Variants in PTPRD observed in about 807,000 individuals in gnomAD.
PTPRD encodes receptor-type tyrosine-protein phosphatase delta.
PTPRD carries 34 observed loss-of-function variants against 214.5 expected under a neutral mutation model. The observed-to-expected ratio is 0.16, with a 90% CI of 0.12 to 0.21. PTPRD has a LOEUF of 0.21. Among genes scored for constraint, PTPRD ranks in the 10% least tolerant of loss-of-function variants. The pLI is 1.00. For synonymous variants in PTPRD, 1,128 were observed against 845.7 expected, an observed-to-expected ratio of 1.33 and a Z score of -5.79; for missense variants, 2,545 against 2,398.7, an observed-to-expected ratio of 1.06 and a Z score of -1.27.
chr9:9,402,020 T>C (rs147596568), intron 8 of PTPRD, among the ~76,000 whole-genome samples: 3 of 152,226 alleles, frequency 2.0e-5, no homozygotes, highest in Admixed American at 2.0e-4. Flanking sequence ...AATGGACTAA[T>C]GCAGTCATAA....
intron 13 of PTPRD, among the ~76,000 whole-genome samples, chr9:8,635,769 G>C (rs576070893): frequency 2.0e-5 from 3 of 152,136 alleles, no homozygotes; most frequent in East Asian, 3.9e-4. Context: ...TGGGGGTATT[G>C]GTAGCCCCTA....
chr9:8,619,503 G>C (rs1028482052), intron 14 of PTPRD, among the ~76,000 whole-genome samples: 2 of 151,794 alleles, frequency 1.3e-5, no homozygotes, highest in African/African-American at 4.8e-5. Context: ...AAGATATAAA[G>C]AGGTATAACA....
intron 7 of PTPRD, among the ~76,000 whole-genome samples, chr9:9,660,329 A>C (rs1345370873): frequency 6.6e-6 from 1 of 151,928 alleles, no homozygotes; most frequent in African/African-American, 2.4e-5. Context: ...GACTATAGGG[A>C]GGTAAGGGGG....
At chr9:8,348,913 T>G (rs2133054604) in intron 39 of PTPRD, among the ~76,000 whole-genome samples, 1 of 152,300 alleles carries the variant, frequency 6.6e-6, no homozygotes, top group Admixed American at 6.5e-5. Flanking sequence ...TACTTTAGTT[T>G]TGTTTTCTGG....
intron 11 of PTPRD, among the ~76,000 whole-genome samples, chr9:8,939,244 T>C (rs2099016350): frequency 6.6e-6 from 1 of 152,202 alleles, no homozygotes; most frequent in Non-Finnish European, 1.5e-5. Context: ...CTACCACTGA[T>C]GTTTATTTGA....
chr9:8,546,132 A>G (rs2080076323), intron 14 of PTPRD, among the ~76,000 whole-genome samples: 1 of 152,220 alleles, frequency 6.6e-6, no homozygotes, highest in Non-Finnish European at 1.5e-5. Flanking sequence ...TTAAAATGAC[A>G]GTCAAAACAA....
chr9:9,903,283 TGAA>T (rs2076820480), intron 5 of PTPRD, among the ~76,000 whole-genome samples: 2 of 152,138 alleles, frequency 1.3e-5, no homozygotes, highest in Non-Finnish European at 2.9e-5. Flanking sequence ...TTGTATGTGA[TGAA>T]GAACTCGAGT....
At chr9:9,523,155 A>G (rs2097030518) in intron 8 of PTPRD, among the ~76,000 whole-genome samples, 1 of 152,216 alleles carries the variant, frequency 6.6e-6, no homozygotes, top group Non-Finnish European at 1.5e-5. Context: ...TAATTTTTAA[A>G]AAAATGCTTT....
chr9:10,335,297 C>T (rs193197051), intron 3 of PTPRD, among the ~76,000 whole-genome samples: 1 of 151,832 alleles, frequency 6.6e-6, no homozygotes, highest in Admixed American at 6.6e-5. Context: ...ACATAGTCAA[C>T]TGATCTTTCA....
chr9:8,356,540 C>T (rs7022162), intron 39 of PTPRD, among the ~76,000 whole-genome samples: 90,420 of 152,124 alleles, frequency 0.59, 29,841 homozygotes, highest in Non-Finnish European at 0.76. Flanking sequence ...TTTCAAAATA[C>T]ATTGCAGGTA....
chr9:10,387,016 G>C (rs1026268050), intron 2 of PTPRD, among the ~76,000 whole-genome samples: 2 of 151,698 alleles, frequency 1.3e-5, no homozygotes, highest in Non-Finnish European at 2.9e-5. Flanking sequence ...AATGTGGAAG[G>C]GGGCCATGAG....
intron 8 of PTPRD, among the ~76,000 whole-genome samples, chr9:9,556,811 G>C (rs910487447): frequency 3.9e-5 from 6 of 152,154 alleles, no homozygotes; most frequent in African/African-American, 1.2e-4. Context: ...TGATGATGGA[G>C]TGAAGCCTCA....
Position 10,256,260 on chromosome 9 carries a change from T to C in PTPRD, c.-545+84703A>G, listed in dbSNP as rs145853645. Among the ~76,000 whole-genome samples, 3 of 152,074 alleles carry C rather than the reference T, an allele frequency of 2.0e-5. No homozygotes were observed. The East Asian group carries it at 5.8e-4, about 29-fold the overall frequency. ...CTAGACCTCTACAGGGTCAGTATCA[T>C]CAATATCTTTGTCTTCCATCTCCAC... On this transcript the variant is annotated intron_variant, in intron 3 of 45. Coordinates refer to ENST00000381196, the MANE Select transcript of PTPRD (RefSeq NM_002839.4).
chr9:8,953,789 C>G (rs912827073), intron 11 of PTPRD, among the ~76,000 whole-genome samples: 1 of 151,874 alleles, frequency 6.6e-6, no homozygotes, highest in Admixed American at 6.6e-5. Context: ...AAATCAAAAC[C>G]ACAATGATAT....
intron 12 of PTPRD, among the ~76,000 whole-genome samples, chr9:8,728,262 A>C (rs867781135): frequency 1.7e-4 from 26 of 152,248 alleles, no homozygotes; most frequent in South Asian, 8.3e-4. Context: ...AAAAAAAAGA[A>C]CATTTTCATC....
intron 2 of PTPRD, among the ~76,000 whole-genome samples, chr9:10,479,746 C>A (rs1222812963): frequency 1.3e-5 from 2 of 151,874 alleles, no homozygotes; most frequent in Non-Finnish European, 2.9e-5. Context: ...CGCTTGAGCC[C>A]AGGGTTCCAG....
intron 5 of PTPRD, among the ~76,000 whole-genome samples, chr9:9,850,033 G>A (rs762807995): frequency 6.6e-5 from 10 of 152,036 alleles, no homozygotes; most frequent in Non-Finnish European, 1.0e-4. Flanking sequence ...CTTGCGTAGT[G>A]AACTCACGAA....
chr9:10,495,772 G>A (rs1380847958), intron 2 of PTPRD, among the ~76,000 whole-genome samples: 1 of 151,638 alleles, frequency 6.6e-6, no homozygotes, highest in African/African-American at 2.4e-5. Context: ...TGCTGGTATG[G>A]AGCATTTAAA....
At chr9:8,774,143 G>C (rs917809734) in intron 11 of PTPRD, among the ~76,000 whole-genome samples, 1 of 152,176 alleles carries the variant, frequency 6.6e-6, no homozygotes, top group Non-Finnish European at 1.5e-5. Flanking sequence ...GTAAACTGGG[G>C]ATAATACAGG....
Sources: allele counts gnomAD v4.1 joint callset (sites outside exome capture counted in the v4.1 genomes callset), GRCh38; gene constraint gnomAD v4.1.1; transcripts MANE v1.5; gene names NCBI Gene and HGNC (gene_info 2026-07-23, HGNC 2026-07-21).